Variants in MICALL1 observed in about 807,000 individuals in gnomAD.
The protein encoded by MICALL1 is MICAL-like protein 1.
MICALL1 carries 61 observed loss-of-function variants against 83.7 expected under a neutral mutation model. The ratio of observed to expected loss-of-function variants is 0.73; its 90% confidence interval spans 0.59 to 0.90. The LOEUF (loss-of-function observed/expected upper bound fraction) is 0.90. Among genes scored for constraint, MICALL1 ranks in the 40% least tolerant of loss-of-function variants. MICALL1 has a pLI of 0.00. For missense variants in MICALL1, 1,066 were observed against 1,152.0 expected (o/e 0.93, Z 1.08); for synonymous variants, 481 against 473.6 (o/e 1.02, Z -0.20).
intron 3 of MICALL1, among the ~76,000 whole-genome samples, chr22:37,915,593 G>C (rs887846208): frequency 1.3e-5 from 2 of 151,394 alleles, no homozygotes; most frequent in African/African-American, 4.8e-5. Flanking sequence ...GACTTGAGGA[G>C]TAAATGAGGA....
chr22:37,918,425 G>C (rs765937552), intron 4 of MICALL1, among the ~76,000 whole-genome samples: 13 of 152,176 alleles, frequency 8.5e-5, no homozygotes, highest in Non-Finnish European at 1.9e-4. Flanking sequence ...GCTCCCATCT[G>C]CTCTTTGCTG....
intron 9 of MICALL1, among the ~76,000 whole-genome samples, chr22:37,929,546 G>C (rs1313251583): frequency 6.6e-6 from 1 of 152,188 alleles, no homozygotes; most frequent in Non-Finnish European, 1.5e-5. Flanking sequence ...CTGTCCTCCT[G>C]CTCCCTTGCT....
intron 8 of MICALL1, chr22:37,927,126 G>C: frequency 2.4e-6 from 1 of 418,230 alleles, no homozygotes. Flanking sequence ...GCATTCCCAA[G>C]GTGGTTTTGC....
At chr22:37,923,906 G>C (rs1929255162) in intron 6 of MICALL1, among the ~76,000 whole-genome samples, 1 of 152,180 alleles carries the variant, frequency 6.6e-6, no homozygotes, top group African/African-American at 2.4e-5. Flanking sequence ...CCCGGAGCCA[G>C]TGTGAGCTGC....
rs1930413158 is a variant in MICALL1 at position 37,941,120 on chromosome 22, T to C, written c.*290T>C. On this transcript the variant is annotated 3_prime_UTR_variant, in exon 16 of 16. Coordinates refer to ENST00000215957, the MANE Select transcript of MICALL1 (RefSeq NM_033386.4). ...CCAAGGGGCAAATAGGGTCCCAGGG[T>C]CCAGGGAGGGGCGCCTGCTGAGCAC... 1 of 293,326 alleles carries C rather than the reference T, an allele frequency of 3.4e-6. No homozygotes were observed. The allele number at this position is 293,326 out of a possible 1,614,324, so 18.2% of individuals were successfully genotyped here.
Position 37,931,899 on chromosome 22 carries a change from C to T in MICALL1, c.1982C>T (p.Ala661Val), listed in dbSNP as rs777916165. ...GGATCCAAGCCAGTGAGGCCACCTGCCCCTGGACACGGCTTTCCACTCATC... is the reference window on the plus strand; with the variant it reads ...GGATCCAAGCCAGTGAGGCCACCTGTCCCTGGACACGGCTTTCCACTCATC... ...TKGSKPVRPP[A>V]PGHGFPLIKR... The change falls in exon 10 of 16, where the codon GCC becomes GTC. Residue 661 changes from alanine to valine, a missense_variant. Coordinates refer to ENST00000215957, the MANE Select transcript of MICALL1 (RefSeq NM_033386.4). 2.5e-6 allele frequency: 4 copies of T among 1,614,158 alleles called. No homozygotes were observed. The highest frequency in any genetic ancestry group is 3.4e-6 in the Non-Finnish European group (4 of 1,180,010).
intron 3 of MICALL1, among the ~76,000 whole-genome samples, chr22:37,914,230 T>C (rs1198424591): frequency 8.2e-6 from 1 of 122,088 alleles, no homozygotes; most frequent in Non-Finnish European, 1.8e-5. Context: ...TTCTTTTCTT[T>C]CTTTTTTTTT....
intron 13 of MICALL1, among the ~76,000 whole-genome samples, chr22:37,934,986 C>T (rs1265026739): frequency 2.0e-5 from 3 of 151,014 alleles, no homozygotes; most frequent in Non-Finnish European, 2.9e-5. Context: ...GGCTGGAGGG[C>T]AGTGGCACAA....
Position 37,912,472 on chromosome 22 carries a change from A to G in MICALL1, c.317A>G (p.His106Arg), listed in dbSNP as rs1928393774. ...ACCTATGTGTCCCAGTATTACAACC[A>G]CTTCTGCAGTCCTGGCCAAGGTGAG... ...IMTYVSQYYN[H>R]FCSPGQAGVS... Residue 106 changes from histidine to arginine, a missense_variant, in exon 3 of 16, where the codon CAC (histidine) becomes CGC (arginine). Coordinates refer to ENST00000215957, the MANE Select transcript of MICALL1 (RefSeq NM_033386.4). The G allele has an allele frequency of 6.2e-7, 1 of 1,611,364 alleles. No homozygotes were observed. The highest frequency in any genetic ancestry group is 8.5e-7 in the Non-Finnish European group (1 of 1,178,132).
At chr22:37,913,578 G>A (rs1460223845) in intron 3 of MICALL1, among the ~76,000 whole-genome samples, 2 of 152,200 alleles carry the variant, frequency 1.3e-5, no homozygotes, top group Admixed American at 6.5e-5. Context: ...TGGGGAACTG[G>A]GGAACCAGAG....
At chr22:37,917,880 T>C (rs1227649223) in intron 4 of MICALL1, 85 bp downstream of exon 4, 1 of 1,205,138 alleles carries the variant, frequency 8.3e-7, no homozygotes, top group Non-Finnish European at 1.2e-6. Flanking sequence ...GACTGGGTCA[T>C]GTGAGGAAGT....
At chr22:37,938,610 C>T (rs1930269129) in intron 15 of MICALL1, among the ~76,000 whole-genome samples, 1 of 149,938 alleles carries the variant, frequency 6.7e-6, no homozygotes, top group African/African-American at 2.5e-5. Flanking sequence ...CATGCCATCA[C>T]ACCCAGCTAA....
chr22:37,911,995 C>A lies in MICALL1; in HGVS notation c.190C>A (p.Arg64Ser). 1 of 1,614,074 alleles carries A rather than the reference C, an allele frequency of 6.2e-7. No homozygotes were observed. Among genetic ancestry groups the A allele is most frequent in the Non-Finnish European group, 8.5e-7 (1 of 1,180,032 alleles). ...LSKDNVFENN[R>S]LAFEVAEKEL... The stretch of plus-strand genomic sequence containing the variant: ...CAAGGACAATGTCTTCGAGAATAAC[C>A]GTTTGGTAAGTTCCCGGACAGGTGG... Residue 64 changes from arginine (R) to serine (S), a missense_variant, in exon 2 of 16, where the codon CGT becomes AGT. Physicochemically the swap from Arg to Ser is moderately radical, Grantham distance 110. Transcript: ENST00000215957.
At chr22:37,938,270 C>T (rs1471490073) in intron 15 of MICALL1, among the ~76,000 whole-genome samples, 1 of 151,780 alleles carries the variant, frequency 6.6e-6, no homozygotes, top group African/African-American at 2.4e-5. Flanking sequence ...GGCGTGGTGG[C>T]GAGAGCTTGT....
intron 1 of MICALL1, among the ~76,000 whole-genome samples, chr22:37,907,686 T>G (rs1928051757): frequency 6.6e-6 from 1 of 152,196 alleles, no homozygotes; most frequent in African/African-American, 2.4e-5. Flanking sequence ...TGCCTCAGGA[T>G]TCCATGATGC....
At chr22:37,928,621 A>G (rs1011379456) in intron 9 of MICALL1, among the ~76,000 whole-genome samples, 1 of 152,076 alleles carries the variant, frequency 6.6e-6, no homozygotes, top group African/African-American at 2.4e-5. Flanking sequence ...CCATGCTTCC[A>G]TCCATCTGCC....
At chr22:37,921,057 C>T (rs1173508480) in intron 5 of MICALL1, among the ~76,000 whole-genome samples, 1 of 152,002 alleles carries the variant, frequency 6.6e-6, no homozygotes, top group Non-Finnish European at 1.5e-5. Context: ...TACTGCACTC[C>T]AACCTGGGTG....
At chr22:37,920,773 A>G (rs1290851673) in intron 5 of MICALL1, among the ~76,000 whole-genome samples, 1 of 152,086 alleles carries the variant, frequency 6.6e-6, no homozygotes, top group African/African-American at 2.4e-5. Context: ...TACAAAAAAA[A>G]TTAGCCGGGC....
Position 37,922,337 on chromosome 22 carries a change from C to T in MICALL1, c.935C>T (p.Thr312Ile), listed in dbSNP as rs1363655331. The T allele has an allele frequency of 3.3e-6, 5 of 1,526,646 alleles. No homozygotes were observed. Among genetic ancestry groups the T allele is most frequent in the South Asian group, 2.5e-5 (2 of 81,090 alleles). 94.6% of individuals were successfully genotyped at this position (1,526,646 alleles called of 1,614,324 possible). The change falls in exon 6 of 16, where the codon ACC becomes ATC. Residue 312 changes from threonine (T) to isoleucine (I), a missense_variant. Physicochemically the swap from Thr to Ile is moderately conservative, Grantham distance 89. Coordinates refer to ENST00000215957, the MANE Select transcript of MICALL1 (RefSeq NM_033386.4). ...TPAPRKASES[T>I]TPAPPTPRPR... ...GCCCCCAGGAAGGCCTCTGAGAGCACCACCCCAGCACCCCCCACGCCCCGG... is the reference window on the plus strand; with the variant it reads ...GCCCCCAGGAAGGCCTCTGAGAGCATCACCCCAGCACCCCCCACGCCCCGG...
Sources: allele counts gnomAD v4.1 joint callset (sites outside exome capture counted in the v4.1 genomes callset), GRCh38; gene constraint gnomAD v4.1.1; transcripts MANE v1.5; gene names NCBI Gene and HGNC (gene_info 2026-07-23, HGNC 2026-07-21).